MGAT5: variants seen among roughly 807,000 people sequenced by gnomAD.
MGAT5 encodes the protein alpha-1,6-mannosylglycoprotein 6-beta-N-acetylglucosaminyltransferase A.
Under a neutral mutation model 94.3 loss-of-function variants are expected in MGAT5, and 30 were observed. That is an observed-to-expected ratio of 0.32 (90% CI 0.24 to 0.43). MGAT5 has a LOEUF of 0.43. Ranked by LOEUF, MGAT5 falls within the 20% of genes least tolerant of loss-of-function variation. The pLI is 1.00. For missense variants in MGAT5, 691 were observed against 905.5 expected, an observed-to-expected ratio of 0.76 and a Z score of 3.04; for synonymous variants, 310 against 322.9, an observed-to-expected ratio of 0.96 and a Z score of 0.43.
chr2:134,359,884 C>A (rs1188633441), intron 9 of MGAT5, among the ~76,000 whole-genome samples: 5 of 152,178 alleles, frequency 3.3e-5, no homozygotes, highest in African/African-American at 1.2e-4. Flanking sequence ...TCCTTGGAAG[C>A]AAGCCACACT....
chr2:134,405,624 G>A (rs1043599054), intron 11 of MGAT5, among the ~76,000 whole-genome samples: 16 of 152,230 alleles, frequency 1.1e-4, no homozygotes, highest in Admixed American at 9.8e-4. Context: ...TGGAGCAGCC[G>A]AGAAGCAGAT....
At chr2:134,129,610 T>G (rs1686021110) in intron 1 of MGAT5, among the ~76,000 whole-genome samples, 1 of 152,194 alleles carries the variant, frequency 6.6e-6, no homozygotes, top group African/African-American at 2.4e-5. Context: ...TCAAATCAAC[T>G]ATTTGCCAAA....
chr2:134,453,865 C>G lies in MGAT5; in HGVS notation c.*5018C>G, dbSNP rs1251456468. On this transcript the variant is annotated 3_prime_UTR_variant, in exon 16 of 16. Transcript: ENST00000281923. ...TTTGTTTTGGGGGAGAGGATTTAGC[C>G]TCTTACTTCCCTGATGGATTCAAAG... The G allele has an allele frequency of 6.6e-6, 1 of 152,310 alleles. No homozygotes were observed. Among genetic ancestry groups the G allele is most frequent in the East Asian group, 1.9e-4 (1 of 5,174 alleles). The allele number at this position is 152,310 out of a possible 1,614,324, so 9.4% of individuals were successfully genotyped here. A position where few individuals can be genotyped will look rare whatever the true frequency, so the allele number is the denominator to read the frequency against.
rs376958059 is a variant in MGAT5, at chr2:134,145,447, G to A, written c.-143+25156G>A. ...TGTAGTCCTACCTACTTGGGAGGCC[G>A]AGGCAGGAGAATTGCTTGAATTCAG... On this transcript the variant is annotated intron_variant, in intron 1 of 16. Transcript: ENST00000409645. Among the ~76,000 whole-genome samples the A allele has an allele frequency of 1.6e-4, 24 of 152,318 alleles. No individual in the cohort carries two copies. In the East Asian group the frequency reaches 3.7e-3, roughly 23 times the overall value.
chr2:134,283,645 CTTTTTTTTTTTTTTTTTT>C (rs35922830), intron 2 of MGAT5, among the ~76,000 whole-genome samples: 1 of 69,088 alleles, frequency 1.4e-5, no homozygotes, highest in Admixed American at 1.8e-4. Flanking sequence ...AATGTAGTAT[CTTTTTTTTTTTTTTTTTT>C]TTTTTTTTTT....
chr2:134,319,026 G>C (rs937536809), intron 4 of MGAT5, among the ~76,000 whole-genome samples: 1 of 152,134 alleles, frequency 6.6e-6, no homozygotes, highest in African/African-American at 2.4e-5. Context: ...AATGTGTATA[G>C]TTCAGTGGCA....
chr2:134,155,582 A>C (rs1055464090), intron 1 of MGAT5, among the ~76,000 whole-genome samples: 26 of 152,198 alleles, frequency 1.7e-4, no homozygotes, highest in African/African-American at 6.0e-4. Flanking sequence ...GTACTGGAAA[A>C]AATGTTGGTT....
intron 1 of MGAT5, among the ~76,000 whole-genome samples, chr2:134,216,193 C>A (rs1355187848): frequency 6.6e-6 from 1 of 152,148 alleles, no homozygotes; most frequent in Non-Finnish European, 1.5e-5. Flanking sequence ...AAATAAGGAA[C>A]CAAGTCCAAA....
chr2:134,378,081 C>T (rs1236941347), intron 10 of MGAT5, among the ~76,000 whole-genome samples: 4 of 152,194 alleles, frequency 2.6e-5, no homozygotes, highest in East Asian at 1.9e-4. Flanking sequence ...CCAAATTCAT[C>T]GTTTCTAATT....
At chr2:134,238,713 A>C (rs1004010165) in intron 1 of MGAT5, among the ~76,000 whole-genome samples, 6 of 152,178 alleles carry the variant, frequency 3.9e-5, no homozygotes, top group Non-Finnish European at 7.3e-5. Flanking sequence ...GGAGGCTGAG[A>C]TGGGCAGATC....
At chr2:134,154,346 G>C (rs1268498129) in intron 1 of MGAT5, among the ~76,000 whole-genome samples, 2 of 152,182 alleles carry the variant, frequency 1.3e-5, no homozygotes, top group Non-Finnish European at 2.9e-5. Context: ...ATTTATATAA[G>C]GAAATGGCCC....
At chr2:134,272,856 T>C (rs751246984) in intron 2 of MGAT5, among the ~76,000 whole-genome samples, 9 of 152,200 alleles carry the variant, frequency 5.9e-5, no homozygotes, top group Admixed American at 3.3e-4. Context: ...CATAAAGGCA[T>C]GTGTCTGTAA....
chr2:134,329,357 G>A (rs570534691), intron 4 of MGAT5, among the ~76,000 whole-genome samples: 27 of 152,166 alleles, frequency 1.8e-4, no homozygotes, highest in South Asian at 1.5e-3. Flanking sequence ...TTGGCGTTTC[G>A]TTTGCTCTTG....
At chr2:134,193,784 A>G (rs1325101609) in intron 1 of MGAT5, among the ~76,000 whole-genome samples, 1 of 149,472 alleles carries the variant, frequency 6.7e-6, no homozygotes. Context: ...TGTTTTAATC[A>G]ATCGCGATGA....
chr2:134,154,225 A>T (rs1687370204), intron 1 of MGAT5, among the ~76,000 whole-genome samples: 1 of 152,164 alleles, frequency 6.6e-6, no homozygotes, highest in African/African-American at 2.4e-5. Flanking sequence ...CGCAGGAAAG[A>T]GCTTCAGAGG....
At chr2:134,334,248 TC>T (rs1688192368) in intron 4 of MGAT5, among the ~76,000 whole-genome samples, 1 of 152,154 alleles carries the variant, frequency 6.6e-6, no homozygotes, top group Non-Finnish European at 1.5e-5. Context: ...TTTTTAAAAA[TC>T]ACCTGGGACT....
In MGAT5 at chr2:134,254,334, C is replaced by T; in HGVS notation, c.-70C>T. 1.3e-6 allele frequency: 2 copies of T among 1,575,032 alleles called. No individual in the cohort carries two copies. Among genetic ancestry groups the T allele is most frequent in the Non-Finnish European group, 1.7e-6 (2 of 1,158,862 alleles). ...GAGACCAGCAGACTCTCACACTCAA[C>T]CTACACCATGAATTTGTGTCTATCT... On this transcript the variant is annotated 5_prime_UTR_variant, in exon 1 of 16. Coordinates refer to ENST00000281923, the MANE Select transcript of MGAT5 (RefSeq NM_002410.5).
intron 1 of MGAT5, among the ~76,000 whole-genome samples, chr2:134,144,362 G>C (rs1334635794): frequency 1.3e-5 from 2 of 152,172 alleles, no homozygotes; most frequent in Non-Finnish European, 2.9e-5. Flanking sequence ...GAGAGAGGCG[G>C]GAGGTGCTAC....
At chr2:134,438,014 CAAA>C (rs1276833339) in intron 14 of MGAT5, among the ~76,000 whole-genome samples, 3 of 101,232 alleles carry the variant, frequency 3.0e-5, no homozygotes, top group Non-Finnish European at 6.7e-5. Flanking sequence ...GACTCCGTCT[CAAA>C]AAAAAAAAAA....
Sources: allele counts gnomAD v4.1 joint callset (sites outside exome capture counted in the v4.1 genomes callset), GRCh38; gene constraint gnomAD v4.1.1; transcripts MANE v1.5; gene names NCBI Gene and HGNC (gene_info 2026-07-23, HGNC 2026-07-21).